Variants in CAMK4 observed in about 807,000 individuals in gnomAD.
CAMK4 encodes the protein calcium/calmodulin-dependent protein kinase type IV.
A neutral mutation model predicts 44.9 loss-of-function variants in CAMK4; 22 were observed. The ratio of observed to expected loss-of-function variants is 0.49; its 90% CI spans 0.35 to 0.70. The LOEUF is 0.70. CAMK4 is among the 30% of genes least tolerant of loss of function. The probability of loss-of-function intolerance (pLI) is 0.01; values close to 1 mark genes in which losing one functional copy is unlikely to be tolerated. For missense variants in CAMK4, 498 were observed against 586.8 expected (o/e 0.85, Z 1.56); for synonymous variants, 218 against 215.4 (o/e 1.01, Z -0.11).
chr5:111,358,941 T>C (rs1380979559), intron 2 of CAMK4, among the ~76,000 whole-genome samples: 1 of 152,150 alleles, frequency 6.6e-6, no homozygotes, highest in African/African-American at 2.4e-5. Flanking sequence ...GTATTCTATG[T>C]ATATATGTAC....
intron 5 of CAMK4, among the ~76,000 whole-genome samples, chr5:111,415,018 A>G (rs1370673535): frequency 6.6e-6 from 1 of 152,208 alleles, no homozygotes; most frequent in African/African-American, 2.4e-5. Flanking sequence ...TTAGACAAAA[A>G]AAAGAATAAG....
intron 5 of CAMK4, among the ~76,000 whole-genome samples, chr5:111,425,446 AG>A (rs1753191483): frequency 6.6e-6 from 1 of 152,196 alleles, no homozygotes; most frequent in Non-Finnish European, 1.5e-5. Flanking sequence ...TCAAAATGCA[AG>A]CACCTGCCAC....
chr5:111,311,221 A>T (rs1352977303), intron 1 of CAMK4, among the ~76,000 whole-genome samples: 1 of 152,166 alleles, frequency 6.6e-6, no homozygotes, highest in Non-Finnish European at 1.5e-5. Context: ...TCCAAAGCAA[A>T]AAGAAAAAAA....
intron 5 of CAMK4, among the ~76,000 whole-genome samples, chr5:111,397,623 A>C (rs1752066683): frequency 6.6e-6 from 1 of 150,508 alleles, no homozygotes; most frequent in Admixed American, 6.6e-5. Context: ...TATGGTTATA[A>C]CAGGTAATAT....
intron 7 of CAMK4, among the ~76,000 whole-genome samples, chr5:111,467,971 C>CA (rs1561506464): frequency 1.1e-4 from 17 of 147,836 alleles, no homozygotes; most frequent in Admixed American, 1.1e-3. Context: ...CACACACACA[C>CA]CATGGAATAC....
In CAMK4 at chr5:111,401,813, A is replaced by G. The variant is rs537871651; in HGVS notation, c.459+7031A>G. Reference sequence around the variant, plus strand: ...GGGGGAACAAAATGAAGAGGTTAAAATTATTAAAACATAGAGGATTGAAGG... The same window carrying G: ...GGGGGAACAAAATGAAGAGGTTAAAGTTATTAAAACATAGAGGATTGAAGG... On this transcript the variant is annotated intron_variant, in intron 5 of 10. Coordinates refer to ENST00000282356, the MANE Select transcript of CAMK4 (RefSeq NM_001744.6). Among the ~76,000 whole-genome samples the G allele has an allele frequency of 8.7e-4, 132 of 152,312 alleles. 3 individuals carry two copies. In the South Asian group the frequency reaches 0.027, roughly 31 times the overall value.
intron 4 of CAMK4, among the ~76,000 whole-genome samples, chr5:111,384,198 G>A (rs896565147): frequency 1.1e-4 from 16 of 152,154 alleles, no homozygotes; most frequent in African/African-American, 3.9e-4. Context: ...CTTTTGAGGA[G>A]CACTGAAGGT....
chr5:111,376,019 G>A (rs778236775), intron 3 of CAMK4, among the ~76,000 whole-genome samples: 1 of 152,076 alleles, frequency 6.6e-6, no homozygotes, highest in Non-Finnish European at 1.5e-5. Context: ...CATGGGGGCT[G>A]TGAAATTAGT....
At chr5:111,445,712 G>A (rs1279559419) in intron 5 of CAMK4, among the ~76,000 whole-genome samples, 3 of 152,162 alleles carry the variant, frequency 2.0e-5, no homozygotes, top group Non-Finnish European at 2.9e-5. Flanking sequence ...ACGGTCATGA[G>A]CCAGTGTAAT....
At chr5:111,365,041 A>C (rs1234669792) in intron 2 of CAMK4, 2 of 152,170 alleles carry the variant, frequency 1.3e-5, no homozygotes, top group Non-Finnish European at 2.9e-5. Context: ...GCCTAAACTC[A>C]CACTGAAAAA....
At chr5:111,434,569 G>A (rs1753581102) in intron 5 of CAMK4, among the ~76,000 whole-genome samples, 1 of 152,218 alleles carries the variant, frequency 6.6e-6, no homozygotes, top group African/African-American at 2.4e-5. Context: ...TTCACAGCCA[G>A]ACAGTCCTAA....
intron 2 of CAMK4, among the ~76,000 whole-genome samples, chr5:111,359,244 C>CGCTTCTGCTCTT (rs377397848): frequency 1.4e-4 from 5 of 35,566 alleles, no homozygotes; most frequent in African/African-American, 1.9e-4. Flanking sequence ...ATTTTTTTGA[C>CGCTTCTGCTCTT]TAATAGTAAC....
chr5:111,324,204 T>C (rs1327182664), intron 1 of CAMK4, among the ~76,000 whole-genome samples: 1 of 152,040 alleles, frequency 6.6e-6, no homozygotes, highest in African/African-American at 2.4e-5. Flanking sequence ...TGACTTAACC[T>C]AATTATATCA....
At chr5:111,325,893 T>G (rs923421939) in intron 1 of CAMK4, among the ~76,000 whole-genome samples, 2 of 152,002 alleles carry the variant, frequency 1.3e-5, no homozygotes, top group African/African-American at 4.8e-5. Flanking sequence ...TTAAAGGAGA[T>G]CTGGTAAATA....
At chr5:111,261,667 T>C (rs578178988) in intron 1 of CAMK4, among the ~76,000 whole-genome samples, 1 of 152,158 alleles carries the variant, frequency 6.6e-6, no homozygotes, top group South Asian at 2.1e-4. Context: ...ATGCAAAAGT[T>C]GGAGAGAATG....
At chr5:111,369,804 T>C (rs1750935056) in intron 2 of CAMK4, among the ~76,000 whole-genome samples, 1 of 152,188 alleles carries the variant, frequency 6.6e-6, no homozygotes, top group African/African-American at 2.4e-5. Flanking sequence ...AATCTCTAGG[T>C]TATTTCTGAC....
chr5:111,240,994 A>G (rs1748964836), intron 1 of CAMK4, among the ~76,000 whole-genome samples: 1 of 152,210 alleles, frequency 6.6e-6, no homozygotes. Flanking sequence ...TCTCCTCTGT[A>G]GAATGAAAAT....
In CAMK4 at chr5:111,449,163, A is replaced by G; in HGVS notation, c.585A>G (p.Gln195=). The change falls in exon 7 of 11, where the codon CAA becomes CAG. Residue 195 remains glutamine, a synonymous_variant. Transcript: ENST00000282356. ...GACTCTCTAAAATTGTGGAACATCA[A>G]GTGCTCATGAAGACAGTATGTGGAA... The part of the protein sequence containing the change: ...DFGLSKIVEH[Q]VLMKTVCGTP... The G allele has an allele frequency of 6.3e-7, 1 of 1,584,464 alleles. No individual in the cohort carries two copies. Among genetic ancestry groups the G allele is most frequent in the Non-Finnish European group, 8.7e-7 (1 of 1,155,102 alleles).
intron 2 of CAMK4, among the ~76,000 whole-genome samples, chr5:111,349,261 G>T (rs1749995035): frequency 1.3e-5 from 2 of 151,944 alleles, no homozygotes; most frequent in Admixed American, 1.3e-4. Context: ...TAATTTGCTT[G>T]TGATTATCGG....
Sources: allele counts gnomAD v4.1 joint callset (sites outside exome capture counted in the v4.1 genomes callset), GRCh38; gene constraint gnomAD v4.1.1; transcripts MANE v1.5; gene names NCBI Gene and HGNC (gene_info 2026-07-23, HGNC 2026-07-21).